The following ZC3H12B variants were observed in gnomAD, a reference collection of about 807,000 sequenced individuals.
ZC3H12B encodes the protein probable ribonuclease ZC3H12B.
ZC3H12B carries 7 observed loss-of-function variants against 43.9 expected under a neutral mutation model. The observed-to-expected ratio is 0.16, with a 90% CI of 0.09 to 0.30. The LOEUF (loss-of-function observed/expected upper bound fraction) is 0.30, where lower values mean the gene tolerates loss of function less well. Ranked by LOEUF, ZC3H12B falls within the 10% of genes least tolerant of loss-of-function variation. The pLI is 1.00. For synonymous variants in ZC3H12B, 222 were observed against 241.7 expected (o/e 0.92, Z 0.76); for missense variants, 475 against 670.2 (o/e 0.71, Z 3.22).
At chrX:65,051,161 T>A in the ZC3H12B span, among the ~76,000 whole-genome samples, 1 of 112,074 alleles carries the variant, frequency 8.9e-6, no homozygotes, top group African/African-American at 3.2e-5. Flanking sequence ...GTTATATTGA[T>A]TTCTTTTAAT....
the ZC3H12B span, among the ~76,000 whole-genome samples, chrX:65,284,622 G>A: frequency 2.7e-5 from 3 of 110,660 alleles, no homozygotes; most frequent in South Asian, 7.7e-4. Flanking sequence ...TTATCTGGGC[G>A]TGGTTGTATG....
At chrX:65,420,366 C>T (rs886247436) in intron 3 of ZC3H12B, among the ~76,000 whole-genome samples, 2 of 112,207 alleles carry the variant, frequency 1.8e-5, no homozygotes, top group African/African-American at 6.5e-5. Flanking sequence ...CCTGTTGATC[C>T]ATACAATAGG....
At chrX:65,435,942 C>A (rs2067216805) in intron 3 of ZC3H12B, among the ~76,000 whole-genome samples, 1 of 112,042 alleles carries the variant, frequency 8.9e-6, no homozygotes, top group Admixed American at 9.5e-5. Context: ...AGCAAGAGAA[C>A]CTTGTGTTAG....
intron 3 of ZC3H12B, among the ~76,000 whole-genome samples, chrX:65,448,214 G>A (rs1360004272): frequency 2.7e-5 from 3 of 110,669 alleles, no homozygotes; most frequent in Non-Finnish European, 5.7e-5. Context: ...CAGCCTGGGT[G>A]ACAGAGCAAG....
chrX:65,377,260 G>A (rs1232548904), intron 2 of ZC3H12B, among the ~76,000 whole-genome samples: 1 of 109,728 alleles, frequency 9.1e-6, no homozygotes, highest in Non-Finnish European at 1.9e-5. Context: ...AGCACACTTA[G>A]AATATCTAGA....
chrX:65,444,330 G>A (rs7054053), intron 3 of ZC3H12B, among the ~76,000 whole-genome samples: 16,061 of 111,797 alleles, frequency 0.14, 2,739 homozygotes, highest in African/African-American at 0.49. Context: ...TTCCCTATGT[G>A]TTGTGAAATG....
At chrX:65,490,370 C>T (rs1210121902) in intron 1 of ZC3H12B, among the ~76,000 whole-genome samples, 1 of 81,432 alleles carries the variant, frequency 1.2e-5, no homozygotes, top group Non-Finnish European at 2.2e-5. Flanking sequence ...ACCCATTGGA[C>T]TGTTTCAGGA....
the ZC3H12B span, among the ~76,000 whole-genome samples, chrX:65,071,548 C>G: frequency 9.0e-6 from 1 of 111,322 alleles, no homozygotes; most frequent in African/African-American, 3.3e-5. Flanking sequence ...TTTATTGTCA[C>G]TGGTCTATGT....
chrX:65,268,370 C>G, the ZC3H12B span, among the ~76,000 whole-genome samples: 1 of 111,363 alleles, frequency 9.0e-6, no homozygotes, highest in Non-Finnish European at 1.9e-5. Flanking sequence ...TAAACTCTTT[C>G]AAAAAAGAGA....
At chrX:65,375,308 G>A (rs1389122815) in intron 2 of ZC3H12B, among the ~76,000 whole-genome samples, 2 of 111,952 alleles carry the variant, frequency 1.8e-5, no homozygotes, top group African/African-American at 6.5e-5. Flanking sequence ...TGGAATTTGA[G>A]TTCACTGCAA....
chrX:65,288,146 A>G, the ZC3H12B span, among the ~76,000 whole-genome samples: 6 of 110,813 alleles, frequency 5.4e-5, no homozygotes, highest in East Asian at 2.8e-4. Flanking sequence ...AATAACAAGT[A>G]GTGAGATTTA....
chrX:65,228,017 T>C, the ZC3H12B span, among the ~76,000 whole-genome samples: 1 of 111,698 alleles, frequency 9.0e-6, no homozygotes, highest in African/African-American at 3.3e-5. Flanking sequence ...GAGGGAATCC[T>C]CCCTAACTCA....
At chrX:65,211,826 G>A in the ZC3H12B span, among the ~76,000 whole-genome samples, 2 of 75,149 alleles carry the variant, frequency 2.7e-5, no homozygotes, top group Admixed American at 2.1e-4. Flanking sequence ...TATATATTAT[G>A]TATACTATAT....
At chrX:65,362,158 C>G (rs980397291), upstream of ZC3H12B, among the ~76,000 whole-genome samples, 5 of 112,117 alleles carry the variant, frequency 4.5e-5, no homozygotes, top group Admixed American at 4.7e-4. Flanking sequence ...TGACTCCTTC[C>G]CAGATCTTCT....
At chrX:65,197,642 A>G in the ZC3H12B span, among the ~76,000 whole-genome samples, 1 of 112,177 alleles carries the variant, frequency 8.9e-6, no homozygotes, top group Non-Finnish European at 1.9e-5. Flanking sequence ...TATTTATGTC[A>G]TTCCCCAAAA....
intron 3 of ZC3H12B, among the ~76,000 whole-genome samples, chrX:65,401,626 A>C (rs1473967338): frequency 8.9e-6 from 1 of 111,953 alleles, no homozygotes; most frequent in Non-Finnish European, 1.9e-5. Context: ...ATCTGAAATC[A>C]CCACATTTCT....
intron 3 of ZC3H12B, among the ~76,000 whole-genome samples, chrX:65,477,676 C>A (rs1427942517): frequency 1.8e-5 from 2 of 110,262 alleles, no homozygotes; most frequent in African/African-American, 6.6e-5. Flanking sequence ...GCAGGAGAAT[C>A]ACTTGAACAC....
chrX:65,245,332 A>C, the ZC3H12B span, among the ~76,000 whole-genome samples: 2 of 111,817 alleles, frequency 1.8e-5, no homozygotes, highest in Non-Finnish European at 3.8e-5. Context: ...TTCCTCCCTA[A>C]CTCATTCTAT....
the ZC3H12B span, among the ~76,000 whole-genome samples, chrX:65,104,226 C>T: frequency 8.9e-6 from 1 of 111,901 alleles, no homozygotes; most frequent in Non-Finnish European, 1.9e-5. Flanking sequence ...ATGCTGAAAA[C>T]AGAAACTGGA....
Sources: allele counts gnomAD v4.1 joint callset (sites outside exome capture counted in the v4.1 genomes callset), GRCh38; gene constraint gnomAD v4.1.1; transcripts MANE v1.5; gene names NCBI Gene and HGNC (gene_info 2026-07-23, HGNC 2026-07-21).